Variants in FRMPD3 observed in about 807,000 individuals in gnomAD.
FRMPD3 encodes FERM and PDZ domain containing 3.
FRMPD3 carries 42 observed loss-of-function variants against 97.9 expected under a neutral mutation model. That is an observed-to-expected ratio of 0.43 (90% CI 0.34 to 0.55). The LOEUF (loss-of-function observed/expected upper bound fraction) is 0.55, where lower values mean the gene tolerates loss of function less well. Ranked by LOEUF, FRMPD3 falls within the 20% of genes least tolerant of loss-of-function variation. The pLI is 0.03. For synonymous variants in FRMPD3, 577 were observed against 581.1 expected, an observed-to-expected ratio of 0.99 and a Z score of 0.10; for missense variants, 1,303 against 1,457.7, an observed-to-expected ratio of 0.89 and a Z score of 1.73.
rs928201409 is a variant in FRMPD3, at chrX:107,603,576, AC to A, written c.*207del. 8.9e-6 allele frequency: 7 copies of A among 783,233 alleles called. No individual in the cohort carries two copies. In the African/African-American group the frequency reaches 1.1e-4, roughly 12 times the overall value. The allele number at this position is 783,233 out of a possible 1,213,427, so 64.5% of individuals were successfully genotyped here. ...CTTAGCTGCCGCCCTGGGTGTCCTC[AC>A]CCCTTCCCTGGCCTCTGGGCCTCAC... On this transcript the variant is annotated 3_prime_UTR_variant, in exon 15 of 15. Coordinates refer to ENST00000683843, the MANE Select transcript of FRMPD3 (RefSeq NM_001388459.1).
At chrX:107,473,360 C>T (rs1018811496) in intron 1 of FRMPD3, among the ~76,000 whole-genome samples, 13 of 112,131 alleles carry the variant, frequency 1.2e-4, no homozygotes, top group Non-Finnish European at 2.1e-4. Flanking sequence ...TTTCAGTTGG[C>T]GGCCATAATG....
In FRMPD3 at chrX:107,449,898, T is replaced by TGCCGCCGCCGCCGCC. The variant is rs895928073; in HGVS notation, c.-106_-92dup. On this transcript the variant is annotated 5_prime_UTR_variant, in exon 1 of 15. Transcript: ENST00000683843. Reference sequence around the variant, plus strand: ...GGGGGCACGGGTGCCCTAGTCCCGCTGCCGCCGCCGCCGCCGCCGCCGCTG... The same window carrying TGCCGCCGCCGCCGCC: ...GGGGGCACGGGTGCCCTAGTCCCGCTGCCGCCGCCGCCGCCGCCGCCGCCGCCGCCGCCGCCGCTG... Among the ~76,000 whole-genome samples the TGCCGCCGCCGCCGCC allele has an allele frequency of 4.6e-5, 5 of 107,662 alleles. No homozygotes were observed. In the Admixed American group the frequency reaches 4.8e-4, roughly 10 times the overall value. The allele number at this position is 107,662 out of a possible 115,157, so 93.5% of individuals were successfully genotyped here. A position where few individuals can be genotyped will look rare whatever the true frequency, so the allele number is the denominator to read the frequency against.
At chrX:107,467,574 A>G (rs1931595392) in intron 1 of FRMPD3, among the ~76,000 whole-genome samples, 1 of 111,799 alleles carries the variant, frequency 8.9e-6, no homozygotes, top group African/African-American at 3.3e-5. Flanking sequence ...AATGATTCTA[A>G]TACCAATGAC....
chrX:107,477,175 A>T (rs1403504287), intron 1 of FRMPD3, among the ~76,000 whole-genome samples: 2 of 112,588 alleles, frequency 1.8e-5, no homozygotes, highest in Non-Finnish European at 3.8e-5. Context: ...AAGATATCCA[A>T]CTTATTCCCT....
intron 1 of FRMPD3, among the ~76,000 whole-genome samples, chrX:107,487,521 A>C (rs1450988013): frequency 9.0e-6 from 1 of 111,273 alleles, no homozygotes; most frequent in East Asian, 2.8e-4. Context: ...GTTTCCTTCA[A>C]AATCCATGCT....
At chrX:107,557,687 GTGTGTGTT>G (rs1004799647) in intron 8 of FRMPD3, among the ~76,000 whole-genome samples, 5 of 98,500 alleles carry the variant, frequency 5.1e-5, no homozygotes, top group African/African-American at 7.6e-5. Context: ...GTGTGTGTGT[GTGTGTGTT>G]TTTTTTTGCA....
chrX:107,465,499 T>C (rs1931543076), intron 1 of FRMPD3, among the ~76,000 whole-genome samples: 1 of 110,615 alleles, frequency 9.0e-6, no homozygotes, highest in Non-Finnish European at 1.9e-5. Context: ...GAAATAGATA[T>C]GTCTTGAGAT....
intron 1 of FRMPD3, among the ~76,000 whole-genome samples, chrX:107,491,207 G>A (rs1417695570): frequency 8.9e-6 from 1 of 111,912 alleles, no homozygotes; most frequent in Admixed American, 9.5e-5. Flanking sequence ...CACTGTTGTC[G>A]TGCTTGTTGT....
intron 7 of FRMPD3, 71 bp from the exon 8 acceptor site, chrX:107,554,314 G>A (rs996590765): frequency 6.3e-6 from 7 of 1,116,729 alleles, no homozygotes; most frequent in Middle Eastern, 2.8e-4. Context: ...GAGCCACTGA[G>A]CTGCCAGCCC....
chrX:107,576,371 G>T lies in FRMPD3; in HGVS notation c.1353G>T (p.Ala451=). 7 of 1,210,654 alleles carry T rather than the reference G, an allele frequency of 5.8e-6. No individual in the cohort carries two copies. The highest frequency in any genetic ancestry group is 7.8e-6 in the Non-Finnish European group (7 of 895,233). ...PEATNFACLI[A]GYCRLLLDSR... is the part of the protein sequence containing the mutation. ...CCACCAACTTTGCCTGCCTGATCGC[G>T]GGGTACTGCCGCCTCTTGCTGGATT... The change falls in exon 13 of 15, where the codon GCG becomes GCT. Residue 451 remains alanine (A), a synonymous_variant. Coordinates refer to ENST00000683843, the MANE Select transcript of FRMPD3 (RefSeq NM_001388459.1).
chrX:107,459,877 GCATA>G (rs1409685092), intron 1 of FRMPD3, among the ~76,000 whole-genome samples: 5 of 77,422 alleles, frequency 6.5e-5, no homozygotes, highest in African/African-American at 1.6e-4. Context: ...GTGCACGCAA[GCATA>G]CATACACACA....
Position 107,604,031 on chromosome X carries a change from C to T in FRMPD3, c.*658C>T, listed in dbSNP as rs924055135. On this transcript the variant is annotated 3_prime_UTR_variant, in exon 15 of 15. Transcript: ENST00000683843. ...TCCACACCAGCCATCCCCAAAGTGC[C>T]CTGCCCCTCACTGATGGGCAGGGCA... 9.1e-6 allele frequency: 1 copy of T among 110,208 alleles called. No homozygotes were observed. Among genetic ancestry groups the T allele is most frequent in the Non-Finnish European group, 1.9e-5 (1 of 52,723 alleles). The allele number at this position is 110,208 out of a possible 1,213,427, so 9.1% of individuals were successfully genotyped here.
At chrX:107,461,757 T>TTTACA (rs1556148224) in intron 1 of FRMPD3, among the ~76,000 whole-genome samples, 2 of 92,000 alleles carry the variant, frequency 2.2e-5, no homozygotes, top group Admixed American at 2.5e-4. Flanking sequence ...CTGGAATTCA[T>TTTACA]TATACATATA....
At chrX:107,592,308 T>A (rs1923945864) in intron 13 of FRMPD3, among the ~76,000 whole-genome samples, 1 of 112,015 alleles carries the variant, frequency 8.9e-6, no homozygotes, top group Non-Finnish European at 1.9e-5. Context: ...TGTATATATT[T>A]ACCACATTTT....
chrX:107,544,641 A>G (rs1032260902), intron 4 of FRMPD3: 3 of 111,609 alleles, frequency 2.7e-5, no homozygotes, highest in Admixed American at 9.5e-5. Flanking sequence ...CCCAAAGACA[A>G]TGAGGATGCC....
rs1922439944 is a variant in FRMPD3, at chrX:107,563,020, C to T, written c.1027-91C>T. 4 of 652,851 alleles carry T rather than the reference C, an allele frequency of 6.1e-6. No homozygotes were observed. In the East Asian group the frequency reaches 1.3e-4, roughly 21 times the overall value. The allele number at this position is 652,851 out of a possible 1,213,427, so 53.8% of individuals were successfully genotyped here. On this transcript the variant is annotated intron_variant, in intron 10 of 14. Transcript: ENST00000683843. ...GTGTCACTTGCTGACTGGTGCCTGTCCTAGGATGTTGAGACTCCTCGTTGA... is the reference window on the plus strand; with the variant it reads ...GTGTCACTTGCTGACTGGTGCCTGTTCTAGGATGTTGAGACTCCTCGTTGA...
rs1922310230 is a variant in FRMPD3, at chrX:107,560,515, GT to G, written c.899+123del. 5.6e-5 allele frequency: 54 copies of G among 963,758 alleles called. 1 individual carries two copies. The South Asian group carries it at 1.2e-3, about 22-fold the overall frequency. The allele number at this position is 963,758 out of a possible 1,213,427, so 79.4% of individuals were successfully genotyped here. ...ACATGGGATGGGAGTGAGAATTGGA[GT>G]CCCTCATATCTAGACTATGAAGCCC... is the stretch of plus-strand genomic sequence containing the variant. On this transcript the variant is annotated intron_variant, in intron 9 of 14. Coordinates refer to ENST00000683843, the MANE Select transcript of FRMPD3 (RefSeq NM_001388459.1).
In FRMPD3 at chrX:107,576,398, C is replaced by T; in HGVS notation, c.1380C>T (p.Ser460=). The change falls in exon 13 of 15, where the codon TCC becomes TCT. Residue 460 remains serine (S), a synonymous_variant. Coordinates refer to ENST00000683843, the MANE Select transcript of FRMPD3 (RefSeq NM_001388459.1). The stretch of plus-strand genomic sequence containing the variant: ...GGTACTGCCGCCTCTTGCTGGATTC[C>T]AGGAAGATGGTCTTCTCCAGGCCTG... ...IAGYCRLLLD[S]RKMVFSRPAS... 1 of 1,210,851 alleles carries T rather than the reference C, an allele frequency of 8.3e-7. No homozygotes were observed. Among genetic ancestry groups the T allele is most frequent in the Non-Finnish European group, 1.1e-6 (1 of 895,352 alleles).
chrX:107,533,965 G>A (rs890109924), intron 4 of FRMPD3, among the ~76,000 whole-genome samples: 2 of 112,263 alleles, frequency 1.8e-5, no homozygotes, highest in African/African-American at 6.5e-5. Context: ...CACCATATGT[G>A]AGAGAATTTA....
Sources: gnomAD v4.1 joint callset for allele counts (sites outside exome capture counted in the v4.1 genomes callset) on GRCh38, gnomAD v4.1.1 for gene constraint, MANE v1.5 for transcripts, NCBI Gene and HGNC (gene_info 2026-07-23, HGNC 2026-07-21) for gene names.